Variants in COLEC10 observed in about 807,000 individuals in gnomAD.
COLEC10 encodes the protein collectin subfamily member 10.
A neutral mutation model predicts 28.4 loss-of-function variants in COLEC10; 22 were observed. That is an observed-to-expected ratio of 0.78 (90% CI 0.55 to 1.11). The LOEUF is 1.11. Ranked by LOEUF, COLEC10 falls within the 50% of genes least tolerant of loss-of-function variation. The probability of loss-of-function intolerance (pLI) is 0.00; values close to 1 mark genes in which losing one functional copy is unlikely to be tolerated. For missense variants in COLEC10, 361 were observed against 344.1 expected, an observed-to-expected ratio of 1.05 and a Z score of -0.39; for synonymous variants, 125 against 116.1, an observed-to-expected ratio of 1.08 and a Z score of -0.49.
intron 2 of COLEC10, among the ~76,000 whole-genome samples, chr8:119,029,507 C>T (rs907052938): frequency 3.3e-5 from 5 of 152,150 alleles, no homozygotes; most frequent in Non-Finnish European, 7.3e-5. Flanking sequence ...CAGACACACA[C>T]ACACACAAAA....
At chr8:119,086,390 G>C (rs76109865) in intron 1 of COLEC10, among the ~76,000 whole-genome samples, 2 of 101,166 alleles carry the variant, frequency 2.0e-5, no homozygotes, top group East Asian at 2.7e-4. Flanking sequence ...GCGGGGAGGT[G>C]GGGGGGGTCC....
At chr8:118,989,798 G>A in the COLEC10 span, among the ~76,000 whole-genome samples, 1 of 152,010 alleles carries the variant, frequency 6.6e-6, no homozygotes, top group Non-Finnish European at 1.5e-5. Flanking sequence ...CATATAGGTT[G>A]AGTATCCCTT....
intron 2 of COLEC10, among the ~76,000 whole-genome samples, chr8:119,040,734 A>G (rs1168024650): frequency 6.6e-6 from 1 of 152,250 alleles, no homozygotes; most frequent in Non-Finnish European, 1.5e-5. Flanking sequence ...TAAAGGAACC[A>G]ACAAGAGACA....
Position 119,103,862 on chromosome 8 carries a change from C to T in COLEC10, c.409C>T (p.Arg137Trp), listed in dbSNP as rs139346267. The T allele has an allele frequency of 3.7e-5, 60 of 1,612,060 alleles. No homozygotes were observed. In the African/African-American group the frequency reaches 4.3e-4, roughly 11 times the overall value. Residue 137 changes from arginine (R) to tryptophan (W), a missense_variant, in exon 5 of 6, where the codon CGG (arginine) becomes TGG (tryptophan). Transcript: ENST00000332843. ...TGGACAACTGGATATTAGTATTGCTCGGCTCAAGACATCTATGAAGTTTGT... is the reference window on the plus strand; with the variant it reads ...TGGACAACTGGATATTAGTATTGCTTGGCTCAAGACATCTATGAAGTTTGT... The part of the protein sequence containing the change: ...FVGQLDISIA[R>W]LKTSMKFVKN...
Position 119,001,018 on chromosome 8 carries a change from C to T in COLEC10, n.122+5445C>T, listed in dbSNP as rs145087551. Among the ~76,000 whole-genome samples, 325 of 152,258 alleles carry T rather than the reference C, an allele frequency of 2.1e-3. 1 individual carries two copies. The highest frequency in any genetic ancestry group is 7.6e-3 in the African/African-American group (314 of 41,554). ...CAGAGGAGTTATGGTCTGGACATTA[C>T]TGGGACGATCAGTAAAACCCTGCTC... On this transcript the variant is annotated intron_variant and non_coding_transcript_variant, in intron 1 of 6. Coordinates refer to the COLEC10 transcript ENST00000521788.
In COLEC10 at chr8:119,008,946, T is replaced by G. The variant is rs545746255; in HGVS notation, n.123-495T>G. On this transcript the variant is annotated intron_variant and non_coding_transcript_variant, in intron 1 of 6. Coordinates refer to the COLEC10 transcript ENST00000521788. The stretch of plus-strand genomic sequence containing the variant: ...ATAGCAATTCCTTCTTTCTTCCTTT[T>G]TTTCCTGAGCATTATTATTAGCAAA... Among the ~76,000 whole-genome samples the G allele has an allele frequency of 4.6e-5, 7 of 151,168 alleles. No homozygotes were observed. The South Asian group carries it at 1.5e-3, about 31-fold the overall frequency.
intron 2 of COLEC10, among the ~76,000 whole-genome samples, chr8:119,028,090 G>T (rs78618008): frequency 0.044 from 6,672 of 152,156 alleles, 213 homozygotes; most frequent in East Asian, 0.16. Flanking sequence ...CAGATATAAG[G>T]GTTATTGTAT....
chr8:119,039,878 TC>T (rs748610457), intron 2 of COLEC10, among the ~76,000 whole-genome samples: 7 of 152,204 alleles, frequency 4.6e-5, no homozygotes, highest in Admixed American at 1.3e-4. Context: ...TTGTAGACAA[TC>T]CGGGATAATC....
In COLEC10 at chr8:119,107,953, G is replaced by T. The variant is rs1332638224; in HGVS notation, c.*1762G>T. ...TGAGGTCAAAAGTCTTCTAGCTAAA[G>T]TTGTGATCATTTCATTTCTTACTTC... On this transcript the variant is annotated 3_prime_UTR_variant, in exon 6 of 6. Transcript: ENST00000332843. Among the ~76,000 whole-genome samples, 2 of 152,140 alleles carry T rather than the reference G, an allele frequency of 1.3e-5. No homozygotes were observed. Among genetic ancestry groups the T allele is most frequent in the Non-Finnish European group, 2.9e-5 (2 of 68,022 alleles).
intron 5 of COLEC10, among the ~76,000 whole-genome samples, chr8:119,105,589 G>C (rs1246191395): frequency 6.6e-6 from 1 of 152,064 alleles, no homozygotes; most frequent in African/African-American, 2.4e-5. Flanking sequence ...AAGTTGAGGA[G>C]AAAAGGAAGG....
chr8:119,072,204 T>C (rs1273961814), intron 1 of COLEC10, among the ~76,000 whole-genome samples: 2 of 151,898 alleles, frequency 1.3e-5, no homozygotes, highest in Non-Finnish European at 2.9e-5. Flanking sequence ...CAAAGCTCTT[T>C]CCCTTTCAGC....
chr8:119,047,741 T>C (rs1052742239), intron 2 of COLEC10, among the ~76,000 whole-genome samples: 2 of 150,904 alleles, frequency 1.3e-5, no homozygotes, highest in African/African-American at 2.5e-5. Context: ...TGCCCTCTCT[T>C]ATTAAAAAAA....
chr8:118,977,727 C>T, the COLEC10 span, among the ~76,000 whole-genome samples: 7 of 143,464 alleles, frequency 4.9e-5, no homozygotes, highest in South Asian at 1.5e-3. Flanking sequence ...GCACATGTAC[C>T]CTAAAACTTA....
At chr8:119,017,426 A>T (rs1814014155) in intron 2 of COLEC10, among the ~76,000 whole-genome samples, 1 of 152,188 alleles carries the variant, frequency 6.6e-6, no homozygotes, top group African/African-American at 2.4e-5. Context: ...GCCAGATAGT[A>T]AGTAGGTTCC....
chr8:119,020,338 A>G (rs903767020), intron 2 of COLEC10, among the ~76,000 whole-genome samples: 2 of 152,166 alleles, frequency 1.3e-5, no homozygotes, highest in Middle Eastern at 3.2e-3. Context: ...CCAACTGTTT[A>G]CCAGGTACTG....
At chr8:119,027,795 C>G (rs564992871) in intron 2 of COLEC10, among the ~76,000 whole-genome samples, 1 of 152,252 alleles carries the variant, frequency 6.6e-6, no homozygotes, top group South Asian at 2.1e-4. Flanking sequence ...GTTTCTTTGG[C>G]TATGGAAGAA....
chr8:118,955,161 A>G, the COLEC10 span, among the ~76,000 whole-genome samples: 1 of 152,226 alleles, frequency 6.6e-6, no homozygotes, highest in Non-Finnish European at 1.5e-5. Context: ...AAAACAGCAG[A>G]TAGCCCATTG....
In COLEC10 at chr8:119,102,336, G is replaced by GT. The variant is rs565991172; in HGVS notation, c.293-4dup. 162 of 1,428,592 alleles carry GT rather than the reference G, an allele frequency of 1.1e-4. No homozygotes were observed. The highest frequency in any genetic ancestry group is 1.5e-4 in the East Asian group (6 of 39,568). The allele number at this position is 1,428,592 out of a possible 1,614,324, so 88.5% of individuals were successfully genotyped here. A position where few individuals can be genotyped will look rare whatever the true frequency, so the allele number is the denominator to read the frequency against. Reference sequence around the variant, plus strand: ...ATTTTATTTTATTTTGGTTGCTATTGTTTTTTTTCAGGTGACAAAGGGGAA... The same window carrying GT: ...ATTTTATTTTATTTTGGTTGCTATTGTTTTTTTTTCAGGTGACAAAGGGGAA... On this transcript the variant is annotated splice_polypyrimidine_tract_variant and intron_variant, in intron 3 of 5. Coordinates refer to ENST00000332843, the MANE Select transcript of COLEC10 (RefSeq NM_006438.5).
intron 2 of COLEC10, among the ~76,000 whole-genome samples, chr8:119,019,389 C>T (rs1814052866): frequency 6.6e-6 from 1 of 152,150 alleles, no homozygotes; most frequent in South Asian, 2.1e-4. Context: ...ATCTGTATTC[C>T]ATGTGCTCTT....
Sources: gnomAD v4.1 joint callset for allele counts (sites outside exome capture counted in the v4.1 genomes callset) on GRCh38, gnomAD v4.1.1 for gene constraint, MANE v1.5 for transcripts, NCBI Gene and HGNC (gene_info 2026-07-23, HGNC 2026-07-21) for gene names.